The following TMEM11 variants were observed in gnomAD, a reference collection of about 807,000 sequenced individuals.
TMEM11 encodes the protein transmembrane protein 11, mitochondrial.
Under a neutral mutation model 17.0 loss-of-function variants are expected in TMEM11, and 1 was observed. The observed-to-expected ratio is 0.06, with a 90% CI of 0.02 to 0.28. The LOEUF is 0.28. TMEM11 is among the 10% of genes least tolerant of loss of function. The pLI, the probability that TMEM11 is intolerant of heterozygous loss-of-function variation, is 1.00. For missense variants in TMEM11, 172 were observed against 252.9 expected (o/e 0.68, Z 2.17); for synonymous variants, 122 against 118.1 (o/e 1.03, Z -0.21).
intron 1 of TMEM11, among the ~76,000 whole-genome samples, chr17:21,201,779 G>A (rs1337566722): frequency 6.6e-6 from 1 of 152,056 alleles, no homozygotes; most frequent in Non-Finnish European, 1.5e-5. Context: ...GTGCCACCAC[G>A]CCTGGCTGCC....
chr17:21,198,866 G>A lies in TMEM11; in HGVS notation c.63-26C>T, dbSNP rs190919729. ...CTTTTGATGGAGGGGGCAGGAAAGG[G>A]AGAGAGAGAGAGAGACAGGATGATT... On this transcript the variant is annotated intron_variant, in intron 1 of 1. Transcript: ENST00000317635. The surrounding 1 kb of genome is among the most constrained non-coding windows in gnomAD (Gnocchi z 6.5). 2.4e-5 allele frequency: 31 copies of A among 1,290,820 alleles called. No homozygotes were observed. In the East Asian group the frequency reaches 9.2e-4, roughly 38 times the overall value. The allele number at this position is 1,290,820 out of a possible 1,614,324, so 80.0% of individuals were successfully genotyped here.
chr17:21,211,263 C>G (rs550396642), intron 1 of TMEM11: 186 of 1,278,754 alleles, frequency 1.5e-4, no homozygotes, highest in Non-Finnish European at 1.8e-4. Flanking sequence ...AATCAACATG[C>G]AAGCACTACC....
intron 1 of TMEM11, chr17:21,211,101 T>C: frequency 7.8e-7 from 1 of 1,289,818 alleles, no homozygotes; most frequent in Non-Finnish European, 1.0e-6. Flanking sequence ...CAAGTGTGTC[T>C]CAAAGACGCC....
In TMEM11 at chr17:21,214,121, G is replaced by C. The variant is rs754333854; in HGVS notation, c.32C>G (p.Pro11Arg). Residue 11 changes from proline to arginine, a missense_variant, in exon 1 of 2, where the codon CCG becomes CGG. By Grantham distance (103) the Pro-to-Arg change is moderately radical (BLOSUM62 -2). Coordinates refer to ENST00000317635, the MANE Select transcript of TMEM11 (RefSeq NM_003876.3). Reference protein sequence around the residue: MAAWGRRRLGPGSSGGSARER... With the variant: MAAWGRRRLGRGSSGGSARER... ...TCGGGCGCTGCCGCCACTGCTGCCC[G>C]GGCCAAGACGCCTCCTTCCCCAAGC... 1.9e-6 allele frequency: 3 copies of C among 1,611,982 alleles called. No homozygotes were observed. The highest frequency in any genetic ancestry group is 3.3e-5 in the Admixed American group (2 of 59,970).
At chr17:21,204,435 T>TAAAAAAAAAAAA (rs71160127) in intron 1 of TMEM11, among the ~76,000 whole-genome samples, 4 of 96,836 alleles carry the variant, frequency 4.1e-5, no homozygotes, top group African/African-American at 1.1e-4. Flanking sequence ...TCCGTCTCAA[T>TAAAAAAAAAAAA]AAAAAAAAAA....
At chr17:21,201,465 G>A (rs867313730) in intron 1 of TMEM11, among the ~76,000 whole-genome samples, 47 of 152,074 alleles carry the variant, frequency 3.1e-4, no homozygotes, top group African/African-American at 9.9e-4. Context: ...CGGCTGCCTC[G>A]CCAGGGATGA....
intron 1 of TMEM11, among the ~76,000 whole-genome samples, chr17:21,202,853 C>T (rs74931497): frequency 0.014 from 2,084 of 152,336 alleles, 46 homozygotes; most frequent in African/African-American, 0.048. Context: ...TGGGGGCACT[C>T]GCCAGCACAC....
chr17:21,214,000 G>A (rs975227151), intron 1 of TMEM11, 91 bp downstream of exon 1: 4 of 1,244,428 alleles, frequency 3.2e-6, no homozygotes, highest in African/African-American at 1.5e-5. Flanking sequence ...GGAAACCAGG[G>A]AAGGAAGGCT....
Position 21,198,899 on chromosome 17 carries a change from G to GGAGCACTTAAC in TMEM11, c.63-70_63-60dup, listed in dbSNP as rs1974849799. On this transcript the variant is annotated intron_variant, in intron 1 of 1. Coordinates refer to ENST00000317635, the MANE Select transcript of TMEM11 (RefSeq NM_003876.3). The surrounding 1 kb of genome is among the most constrained non-coding windows in gnomAD (Gnocchi z 6.5). ...GAGAGAGACAGGATGATTAGGCTGA[G>GGAGCACTTAAC]GAGCACTTAACTGTGTTTCAGCGCT... 9.0e-6 allele frequency: 14 copies of GGAGCACTTAAC among 1,552,552 alleles called. No homozygotes were observed. Among genetic ancestry groups the GGAGCACTTAAC allele is most frequent in the Non-Finnish European group, 1.2e-5 (14 of 1,149,376 alleles).
At chr17:21,199,328 G>GAAA (rs58031189) in intron 1 of TMEM11, among the ~76,000 whole-genome samples, 14 of 78,310 alleles carry the variant, frequency 1.8e-4, no homozygotes, top group East Asian at 1.2e-3. Flanking sequence ...CTCAGTCTCA[G>GAAA]AAAAAAAAAA....
At chr17:21,204,888 G>A (rs984810255) in intron 1 of TMEM11, among the ~76,000 whole-genome samples, 1 of 152,082 alleles carries the variant, frequency 6.6e-6, no homozygotes, top group African/African-American at 2.4e-5. Flanking sequence ...GGGTCAGCCC[G>A]TTCCAGCACC....
At chr17:21,208,031 C>T (rs372418082) in intron 1 of TMEM11, among the ~76,000 whole-genome samples, 12 of 147,832 alleles carry the variant, frequency 8.1e-5, no homozygotes, top group Admixed American at 2.0e-4. Flanking sequence ...CTCGCTCTGT[C>T]GCCCAGGCTC....
chr17:21,203,197 C>T (rs1395426421), intron 1 of TMEM11, among the ~76,000 whole-genome samples: 1 of 152,186 alleles, frequency 6.6e-6, no homozygotes, highest in Non-Finnish European at 1.5e-5. Context: ...TATATGGAGA[C>T]GGTAAGGTTC....
At chr17:21,210,906 A>G in intron 1 of TMEM11, 1 of 1,253,464 alleles carries the variant, frequency 8.0e-7, no homozygotes, top group Non-Finnish European at 1.0e-6. Flanking sequence ...TTATAAAAAC[A>G]GGAACTCAAG....
Position 21,205,480 on chromosome 17 carries a change from G to A in TMEM11, c.63-6640C>T, listed in dbSNP as rs1382128124. Among the ~76,000 whole-genome samples the A allele has an allele frequency of 3.3e-5, 5 of 152,286 alleles. No homozygotes were observed. In the East Asian group the frequency reaches 5.8e-4, roughly 18 times the overall value. On this transcript the variant is annotated intron_variant, in intron 1 of 1. Transcript: ENST00000317635. Reference sequence around the variant, plus strand: ...GCAGGAGGAGGCAGGCCAGGGTAACGCTAGTTCTCTATCGCGCTGGGTGGG... The same window carrying A: ...GCAGGAGGAGGCAGGCCAGGGTAACACTAGTTCTCTATCGCGCTGGGTGGG...
intron 1 of TMEM11, among the ~76,000 whole-genome samples, chr17:21,207,316 G>C (rs929862095): frequency 6.6e-6 from 1 of 151,750 alleles, no homozygotes; most frequent in African/African-American, 2.4e-5. Context: ...GATCACCTGA[G>C]GTCAGGACTT....
intron 1 of TMEM11, among the ~76,000 whole-genome samples, chr17:21,201,366 C>T (rs1974881826): frequency 6.6e-6 from 1 of 152,218 alleles, no homozygotes; most frequent in Non-Finnish European, 1.5e-5. Context: ...AAACGGCATG[C>T]ACTGGGGAGA....
chr17:21,203,052 G>A (rs865978341), intron 1 of TMEM11, among the ~76,000 whole-genome samples: 6 of 152,220 alleles, frequency 3.9e-5, no homozygotes, highest in South Asian at 2.1e-4. Flanking sequence ...CCTGCACAAC[G>A]GCGCTGAGGC....
At position 21,198,206 on chromosome 17, in the gene TMEM11, A is replaced by G; in HGVS notation, c.*118T>C. On this transcript the variant is annotated 3_prime_UTR_variant, in exon 2 of 2. Coordinates refer to ENST00000317635, the MANE Select transcript of TMEM11 (RefSeq NM_003876.3). This position sits in a 1 kb window ranked among gnomAD's most constrained non-coding sequence, Gnocchi z 6.5. ...CGTGATCTGTTATTTTTTAAAAATAACAAATACTAAGCCAAACACCTGCCC... is the reference window on the plus strand; with the variant it reads ...CGTGATCTGTTATTTTTTAAAAATAGCAAATACTAAGCCAAACACCTGCCC... 1 of 1,324,672 alleles carries G rather than the reference A, an allele frequency of 7.5e-7. No individual in the cohort carries two copies. The highest frequency in any genetic ancestry group is 1.5e-5 in the African/African-American group (1 of 67,840). 82.1% of individuals were successfully genotyped at this position (1,324,672 alleles called of 1,614,324 possible).
Sources: gnomAD v4.1 joint callset for allele counts (sites outside exome capture counted in the v4.1 genomes callset) on GRCh38, gnomAD v4.1.1 for gene constraint, Gnocchi (gnomAD v3.1) non-coding constraint, MANE v1.5 for transcripts, NCBI Gene and HGNC (gene_info 2026-07-23, HGNC 2026-07-21) for gene names.